VAV3: variants seen among roughly 807,000 people sequenced by gnomAD.
VAV3 encodes vav guanine nucleotide exchange factor 3.
Under a neutral mutation model 131.2 loss-of-function variants are expected in VAV3, and 94 were observed. The ratio of observed to expected loss-of-function variants is 0.72; its 90% CI spans 0.61 to 0.85. The LOEUF is 0.85. VAV3 is among the 40% of genes least tolerant of loss of function. VAV3 has a pLI of 0.00. For missense variants in VAV3, 939 were observed against 1,002.7 expected (o/e 0.94, Z 0.86); for synonymous variants, 349 against 342.0 (o/e 1.02, Z -0.22).
rs1652761885 is a variant in VAV3 at position 107,611,870 on chromosome 1, G to A, written c.1981-1905C>T. Among the ~76,000 whole-genome samples the A allele has an allele frequency of 2.6e-5, 4 of 152,010 alleles. No homozygotes were observed. The South Asian group carries it at 8.3e-4, about 31-fold the overall frequency. ...GCCATGATCCATATTACTCAGGTGG[G>A]GTCCTATCCTTTTCCATCAGTCATA... On this transcript the variant is annotated intron_variant, in intron 21 of 26. Coordinates refer to ENST00000370056, the MANE Select transcript of VAV3 (RefSeq NM_006113.5).
intron 1 of VAV3, among the ~76,000 whole-genome samples, chr1:107,925,855 GTATATA>G (rs1387166837): frequency 6.7e-6 from 1 of 150,304 alleles, no homozygotes; most frequent in East Asian, 2.0e-4. Context: ...TACCATATAT[GTATATA>G]TAAACAGATA....
chr1:107,883,538 A>G (rs1670883568), intron 1 of VAV3, among the ~76,000 whole-genome samples: 1 of 152,200 alleles, frequency 6.6e-6, no homozygotes, highest in Non-Finnish European at 1.5e-5. Context: ...TTCTTATTTC[A>G]ATGTTAATGT....
At position 107,673,155 on chromosome 1, in the gene VAV3, C is replaced by A. The variant is rs116421203; in HGVS notation, c.1777+10333G>T. On this transcript the variant is annotated intron_variant, in intron 19 of 26. Transcript: ENST00000370056. ...TGTTCAACAATAAATTATACTAAAA[C>A]CCACTTCCTTTTTTCTGAAGAGTAT... Among the ~76,000 whole-genome samples the A allele has an allele frequency of 3.3e-5, 5 of 152,246 alleles. No individual in the cohort carries two copies. The East Asian group carries it at 9.6e-4, about 29-fold the overall frequency.
chr1:107,929,133 T>C (rs1673296662), intron 1 of VAV3, among the ~76,000 whole-genome samples: 1 of 151,790 alleles, frequency 6.6e-6, no homozygotes, highest in African/African-American at 2.4e-5. Context: ...GAAAAATTTA[T>C]GCCCATTAGC....
chr1:107,789,544 G>A (rs940221715), intron 2 of VAV3, among the ~76,000 whole-genome samples: 13 of 152,222 alleles, frequency 8.5e-5, no homozygotes, highest in African/African-American at 2.4e-4. Flanking sequence ...CTGTGTTCTC[G>A]CTGGTTTGGT....
intron 2 of VAV3, among the ~76,000 whole-genome samples, chr1:107,805,358 T>C (rs1461401235): frequency 1.3e-5 from 2 of 152,182 alleles, no homozygotes; most frequent in Non-Finnish European, 2.9e-5. Context: ...TTCCATTCTT[T>C]CTTTTTTCTC....
intron 1 of VAV3, among the ~76,000 whole-genome samples, chr1:107,905,459 T>C (rs916200245): frequency 2.0e-5 from 3 of 152,164 alleles, no homozygotes; most frequent in Non-Finnish European, 2.9e-5. Context: ...CCCCAGTGCC[T>C]GTCAACATGC....
At chr1:107,818,357 C>T (rs534167350) in intron 2 of VAV3, among the ~76,000 whole-genome samples, 1 of 152,114 alleles carries the variant, frequency 6.6e-6, no homozygotes, top group East Asian at 1.9e-4. Context: ...GGAAATGCAC[C>T]CAGTGCAGTT....
At chr1:107,701,472 T>A (rs552543965) in intron 17 of VAV3, among the ~76,000 whole-genome samples, 1 of 152,238 alleles carries the variant, frequency 6.6e-6, no homozygotes, top group Admixed American at 6.5e-5. Flanking sequence ...CTCCTAGGAC[T>A]CTAGGACCAT....
At chr1:107,749,389 A>C in intron 14 of VAV3, 73 bp downstream of exon 14, 2 of 1,448,812 alleles carry the variant, frequency 1.4e-6, no homozygotes, top group Non-Finnish European at 1.9e-6. Context: ...ATCTCACATT[A>C]ATGTATTATC....
chr1:107,628,884 T>C (rs540874295), intron 20 of VAV3, among the ~76,000 whole-genome samples: 1 of 152,338 alleles, frequency 6.6e-6, no homozygotes, highest in East Asian at 1.9e-4. Flanking sequence ...TTACCCTCTT[T>C]ATGAAGACCT....
At chr1:107,703,627 T>C (rs1414953324) in intron 17 of VAV3, among the ~76,000 whole-genome samples, 1 of 152,212 alleles carries the variant, frequency 6.6e-6, no homozygotes, top group Admixed American at 6.5e-5. Context: ...ATTGCCTATT[T>C]TCTGAACTCA....
At chr1:107,831,639 A>G (rs1244967451) in intron 2 of VAV3, among the ~76,000 whole-genome samples, 2 of 152,130 alleles carry the variant, frequency 1.3e-5, no homozygotes, top group Admixed American at 1.3e-4. Context: ...GTATTTGGAT[A>G]TATCCTTCCT....
intron 15 of VAV3, among the ~76,000 whole-genome samples, chr1:107,720,373 A>G (rs1661411698): frequency 7.2e-6 from 1 of 138,888 alleles, no homozygotes; most frequent in African/African-American, 2.8e-5. Context: ...ACAGAGTGAG[A>G]CACTGTCTCA....
intron 1 of VAV3, among the ~76,000 whole-genome samples, chr1:107,955,921 C>T (rs1241077953): frequency 6.6e-6 from 1 of 152,196 alleles, no homozygotes; most frequent in African/African-American, 2.4e-5. Context: ...CATCCTTAGT[C>T]GCTCTCCATC....
intron 2 of VAV3, among the ~76,000 whole-genome samples, chr1:107,840,119 A>G (rs1668632592): frequency 6.6e-6 from 1 of 152,208 alleles, no homozygotes; most frequent in South Asian, 2.1e-4. Context: ...CTTCCAGAAA[A>G]TAGAAAGAAT....
chr1:107,653,832 T>C (rs778606027), intron 19 of VAV3, among the ~76,000 whole-genome samples: 16 of 152,068 alleles, frequency 1.1e-4, no homozygotes, highest in Non-Finnish European at 1.6e-4. Context: ...CACCAACATA[T>C]TTACCTATGA....
At chr1:107,578,672 G>A (rs1208532246) in intron 25 of VAV3, 7 of 519,516 alleles carry the variant, frequency 1.3e-5, no homozygotes, top group South Asian at 8.3e-5. Context: ...GCAGTTACAC[G>A]ATCTCGGCTC....
chr1:107,841,986 C>A (rs754952303), intron 2 of VAV3, among the ~76,000 whole-genome samples: 1 of 152,010 alleles, frequency 6.6e-6, no homozygotes, highest in African/African-American at 2.4e-5. Context: ...ATTTATGGCT[C>A]TCATATTTCT....
Sources: gnomAD v4.1 joint callset for allele counts (sites outside exome capture counted in the v4.1 genomes callset) on GRCh38, gnomAD v4.1.1 for gene constraint, MANE v1.5 for transcripts, NCBI Gene and HGNC (gene_info 2026-07-23, HGNC 2026-07-21) for gene names.